Variants in ZNF200 observed in about 807,000 individuals in gnomAD.
The protein encoded by ZNF200 is zinc finger protein 200.
ZNF200 carries 35 observed loss-of-function variants against 33.6 expected under a neutral mutation model. The observed-to-expected ratio is 1.04, with a 90% confidence interval of 0.80 to 1.38. The LOEUF is 1.38. Among genes scored for constraint, ZNF200 ranks in the 40% most tolerant of loss-of-function variants. The probability of loss-of-function intolerance (pLI) is 0.00; values close to 1 mark genes in which losing one functional copy is unlikely to be tolerated. For missense variants in ZNF200, 592 were observed against 470.6 expected (o/e 1.26, Z -2.39); for synonymous variants, 209 against 167.7 (o/e 1.25, Z -1.90).
chr16:3,233,009 T>C, intron 2 of ZNF200, 88 bp from the exon 3 acceptor site: 1 of 1,176,342 alleles, frequency 8.5e-7, no homozygotes, highest in Non-Finnish European at 1.2e-6. Context: ...CTGTCCTCAT[T>C]CCTTTGACAG....
Position 3,223,916 on chromosome 16 carries a change from G to T in ZNF200, c.1164C>A (p.Ala388=). 6.2e-7 allele frequency: 1 copy of T among 1,613,612 alleles called. No homozygotes were observed. The highest frequency in any genetic ancestry group is 8.5e-7 in the Non-Finnish European group (1 of 1,179,756). ...ATTACTTCTGCTTTCGGGTCTTACA[G>T]GCTGAGTGGGTTTTCTCATGCCGGG... ...NCTRHEKTHS[A]CKTRKQK The change falls in exon 5 of 5, where the codon GCC becomes GCA. Residue 388 remains alanine (A), a synonymous_variant. Transcript: ENST00000414144.
chr16:3,223,976 T>C lies in ZNF200; in HGVS notation c.1104A>G (p.Lys368=), dbSNP rs573180994. The change falls in exon 5 of 5, where the codon AAA becomes AAG. Residue 368 remains lysine, a synonymous_variant. Transcript: ENST00000414144. Reference sequence around the variant, plus strand: ...ACAGCCGACCAAATCTTCTCCCACATTTTTTGCAACCATATGGTCTCTCAG... The same window carrying C: ...ACAGCCGACCAAATCTTCTCCCACACTTTTTGCAACCATATGGTCTCTCAG... The part of the protein sequence containing the change: ...HEAERPYGCK[K]CGRRFGRLSN... 1.2e-6 allele frequency: 2 copies of C among 1,614,092 alleles called. No individual in the cohort carries two copies. Among genetic ancestry groups the C allele is most frequent in the South Asian group, 2.2e-5 (2 of 91,082 alleles).
chr16:3,232,965 C>CT, intron 2 of ZNF200, 44 bp from the exon 3 acceptor site: 3 of 1,564,638 alleles, frequency 1.9e-6, no homozygotes, highest in Non-Finnish European at 2.6e-6. Context: ...CTCAGTGACT[C>CT]TAACACAGAG....
chr16:3,226,901 GTTT>G (rs1254985065), intron 4 of ZNF200: 1 of 152,168 alleles, frequency 6.6e-6, no homozygotes, highest in Non-Finnish European at 1.5e-5. Context: ...CCATCAATGT[GTTT>G]TTATTTCTAT....
chr16:3,234,494 A>C (rs943343129), intron 1 of ZNF200: 2 of 152,414 alleles, frequency 1.3e-5, no homozygotes, highest in African/African-American at 2.4e-5. Context: ...GACAGAAAGA[A>C]AGACGGTGTG....
chr16:3,222,671 T>C lies in ZNF200; in HGVS notation c.*1221A>G, dbSNP rs140877275. ...CAATCAAAACACCAATGTATAACTT[T>C]TGGAAACCTAAAGCAAGCAAAACTG... is the stretch of plus-strand genomic sequence containing the variant. On this transcript the variant is annotated 3_prime_UTR_variant, in exon 5 of 5. Coordinates refer to ENST00000414144, the MANE Select transcript of ZNF200 (RefSeq NM_198088.3). The C allele has an allele frequency of 3.6e-4, 55 of 152,336 alleles. No homozygotes were observed. Among genetic ancestry groups the C allele is most frequent in the African/African-American group, 1.2e-3 (51 of 41,568 alleles). 9.4% of individuals were successfully genotyped at this position (152,336 alleles called of 1,614,324 possible). A position where few individuals can be genotyped will look rare whatever the true frequency, so the allele number is the denominator to read the frequency against.
At chr16:3,233,906 T>G in intron 1 of ZNF200, 70 bp from the exon 2 acceptor site, 1 of 1,302,516 alleles carries the variant, frequency 7.7e-7, no homozygotes. Context: ...ATATGTGGCA[T>G]GGCTGGTGAG....
intron 4 of ZNF200, 76 bp downstream of exon 4, chr16:3,232,345 C>A: frequency 6.5e-7 from 1 of 1,530,896 alleles, no homozygotes; most frequent in Non-Finnish European, 8.9e-7. Flanking sequence ...TGAATCGTCC[C>A]CCAAAGCTAA....
At position 3,232,550 on chromosome 16, in the gene ZNF200, G is replaced by C. The variant is rs775956362; in HGVS notation, c.340-3C>G. 6.2e-7 allele frequency: 1 copy of C among 1,613,250 alleles called. No homozygotes were observed. Among genetic ancestry groups the C allele is most frequent in the African/African-American group, 1.3e-5 (1 of 75,040 alleles). On this transcript the variant is annotated splice_polypyrimidine_tract_variant and splice_region_variant and intron_variant, in intron 3 of 4. Transcript: ENST00000414144. ...AAATCCTCAAAGACCACCAGCTCCT[G>C]AAAGAGCAAGAGGCCCCTTTCATCT... is the stretch of plus-strand genomic sequence containing the variant.
chr16:3,224,239 C>T lies in ZNF200; in HGVS notation c.841G>A (p.Asp281Asn). Reference protein sequence around the residue: ...QRTHTGEKPYDCNHCGKSFNH... With the variant: ...QRTHTGEKPYNCNHCGKSFNH... ...AAGCTTTTCCCACAGTGATTACAGTCATAGGGTTTTTCTCCAGTGTGGGTC... is the reference window on the plus strand; with the variant it reads ...AAGCTTTTCCCACAGTGATTACAGTTATAGGGTTTTTCTCCAGTGTGGGTC... Residue 281 changes from aspartate to asparagine, a missense_variant, in exon 5 of 5, where the codon GAC becomes AAC. By Grantham distance (23) the Asp-to-Asn change is conservative. Transcript: ENST00000414144. 1 of 1,614,148 alleles carries T rather than the reference C, an allele frequency of 6.2e-7. No individual in the cohort carries two copies. The highest frequency in any genetic ancestry group is 8.5e-7 in the Non-Finnish European group (1 of 1,180,036).
At chr16:3,231,469 A>G (rs2141639383) in intron 4 of ZNF200, among the ~76,000 whole-genome samples, 1 of 152,326 alleles carries the variant, frequency 6.6e-6, no homozygotes, top group South Asian at 2.1e-4. Context: ...TCAGAAACAA[A>G]AAGCCCTGAA....
At position 3,232,357 on chromosome 16, in the gene ZNF200, G is replaced by C. The variant is rs137871031; in HGVS notation, c.466+64C>G. ...GTGTGAATCGTCCCCCAAAGCTAAA[G>C]AGATGAAGGACATGCTTTTCCCAAA... On this transcript the variant is annotated intron_variant, in intron 4 of 4. Transcript: ENST00000414144. 180 of 1,569,932 alleles carry C rather than the reference G, an allele frequency of 1.1e-4. No individual in the cohort carries two copies. The African/African-American group carries it at 2.1e-3, about 19-fold the overall frequency.
At chr16:3,233,450 C>T in intron 2 of ZNF200, 56 bp downstream of exon 2, 5 of 1,494,176 alleles carry the variant, frequency 3.3e-6, no homozygotes, top group East Asian at 2.4e-5. Flanking sequence ...AGAAACCTAT[C>T]TTAGACTCCA....
chr16:3,233,361 G>T, intron 2 of ZNF200, 145 bp downstream of exon 2: 2 of 1,175,286 alleles, frequency 1.7e-6, no homozygotes, highest in Non-Finnish European at 2.3e-6. Flanking sequence ...CAGCACTTGA[G>T]AAGAACTTCC....
chr16:3,232,829 C>A lies in ZNF200; in HGVS notation c.339+4G>T, dbSNP rs1005527916. On this transcript the variant is annotated splice_donor_region_variant and intron_variant, in intron 3 of 4. Coordinates refer to ENST00000414144, the MANE Select transcript of ZNF200 (RefSeq NM_198088.3). The stretch of plus-strand genomic sequence containing the variant: ...CAGGCAGTAAATGGGAAAACCAAAC[C>A]CACCTCAGGGTTAGCTTTCAAATAC... The A allele has an allele frequency of 1.2e-5, 19 of 1,613,660 alleles. No homozygotes were observed. Among genetic ancestry groups the A allele is most frequent in the Non-Finnish European group, 1.6e-5 (19 of 1,179,718 alleles).
In ZNF200 at chr16:3,224,003, C is replaced by A; in HGVS notation, c.1077G>T (p.Glu359Asp). The change falls in exon 5 of 5, where the codon GAG becomes GAT. Residue 359 changes from glutamate (E) to aspartate (D), a missense_variant. Glu to Asp is a conservative substitution (Grantham distance 45). Coordinates refer to ENST00000414144, the MANE Select transcript of ZNF200 (RefSeq NM_198088.3). ...EEFVLHLQSH[E>D]AERPYGCKKC... ...TTTTGCAACCATATGGTCTCTCAGCCTCATGACTCTGCAGATGAAGCACAA... is the reference window on the plus strand; with the variant it reads ...TTTTGCAACCATATGGTCTCTCAGCATCATGACTCTGCAGATGAAGCACAA... The A allele has an allele frequency of 6.2e-7, 1 of 1,614,184 alleles. No individual in the cohort carries two copies. The highest frequency in any genetic ancestry group is 8.5e-7 in the Non-Finnish European group (1 of 1,180,044).
intron 4 of ZNF200, among the ~76,000 whole-genome samples, chr16:3,231,498 C>T (rs574902843): frequency 1.2e-4 from 18 of 152,252 alleles, no homozygotes; most frequent in Admixed American, 9.8e-4. Context: ...AAAAAGTGTC[C>T]GGCACTCAGT....
At chr16:3,225,798 T>G (rs182227464) in intron 4 of ZNF200, 1 of 152,230 alleles carries the variant, frequency 6.6e-6, no homozygotes, top group East Asian at 1.9e-4. Context: ...TCAGGCCTAC[T>G]GAGAGTCAAG....
At chr16:3,230,294 C>T (rs2141635206) in intron 4 of ZNF200, among the ~76,000 whole-genome samples, 1 of 152,322 alleles carries the variant, frequency 6.6e-6, no homozygotes, top group East Asian at 1.9e-4. Flanking sequence ...TATAGCAGCA[C>T]AAAATGTACT....
Sources: allele counts gnomAD v4.1 joint callset (sites outside exome capture counted in the v4.1 genomes callset), GRCh38; gene constraint gnomAD v4.1.1; transcripts MANE v1.5; gene names NCBI Gene and HGNC (gene_info 2026-07-23, HGNC 2026-07-21).